The following TOM1L2 variants were observed in gnomAD, a reference collection of about 807,000 sequenced individuals.
TOM1L2 encodes the protein TOM1-like protein 2.
Under a neutral mutation model 67.9 loss-of-function variants are expected in TOM1L2, and 31 were observed. The ratio of observed to expected loss-of-function variants is 0.46; its 90% CI spans 0.34 to 0.62. The LOEUF is 0.62. TOM1L2 is among the 20% of genes least tolerant of loss of function. The pLI, the probability that TOM1L2 is intolerant of heterozygous loss-of-function variation, is 0.01. For missense variants in TOM1L2, 606 were observed against 663.5 expected, an observed-to-expected ratio of 0.91 and a Z score of 0.95; for synonymous variants, 256 against 254.0, an observed-to-expected ratio of 1.01 and a Z score of -0.07.
rs754896705 is a variant in TOM1L2, at chr17:17,963,541, T to C, written c.52+8721A>G. Among the ~76,000 whole-genome samples the C allele has an allele frequency of 5.9e-5, 9 of 152,144 alleles. No individual in the cohort carries two copies. The East Asian group carries it at 7.7e-4, about 13-fold the overall frequency. Reference sequence around the variant, plus strand: ...AGTCTCTATTTCTTCACCTGTAAGATGAAGATAACAGTGCTTCCAGAGAAA... The same window carrying C: ...AGTCTCTATTTCTTCACCTGTAAGACGAAGATAACAGTGCTTCCAGAGAAA... On this transcript the variant is annotated intron_variant, in intron 1 of 14. Transcript: ENST00000379504.
intron 1 of TOM1L2, among the ~76,000 whole-genome samples, chr17:17,961,936 T>A (rs2041696982): frequency 6.6e-6 from 1 of 151,214 alleles, no homozygotes; most frequent in African/African-American, 2.4e-5. Flanking sequence ...CATAGCAGCA[T>A]TATTTACAAT....
In TOM1L2 at chr17:17,926,394, G is replaced by C. The variant is rs1034453535; in HGVS notation, c.53-18863C>G. ...AGCTAGTTAAGGAGGACCAAACTGAGAGCCAGTCTGGACTGGCACAAGGGG... is the reference window on the plus strand; with the variant it reads ...AGCTAGTTAAGGAGGACCAAACTGACAGCCAGTCTGGACTGGCACAAGGGG... On this transcript the variant is annotated intron_variant, in intron 1 of 14. Coordinates refer to ENST00000379504, the MANE Select transcript of TOM1L2 (RefSeq NM_001082968.2). Among the ~76,000 whole-genome samples the C allele has an allele frequency of 8.5e-5, 13 of 152,130 alleles. No individual in the cohort carries two copies. The South Asian group carries it at 2.7e-3, about 32-fold the overall frequency.
At chr17:17,884,147 T>C (rs1168592948) in intron 5 of TOM1L2, among the ~76,000 whole-genome samples, 1 of 152,200 alleles carries the variant, frequency 6.6e-6, no homozygotes, top group East Asian at 1.9e-4. Flanking sequence ...GAATCAAGGA[T>C]TGAATCCAGA....
intron 1 of TOM1L2, among the ~76,000 whole-genome samples, chr17:17,956,703 A>G (rs199586093): frequency 0.025 from 3,734 of 152,118 alleles, 133 homozygotes; most frequent in African/African-American, 0.079. Context: ...CTGCTGGGGG[A>G]ATGGCACACC....
intron 1 of TOM1L2, among the ~76,000 whole-genome samples, chr17:17,928,298 C>A (rs915506078): frequency 6.6e-6 from 1 of 152,192 alleles, no homozygotes; most frequent in African/African-American, 2.4e-5. Flanking sequence ...CTGCTCCCAA[C>A]AAACGAGAAG....
chr17:17,940,174 C>T (rs1162675810), intron 1 of TOM1L2, among the ~76,000 whole-genome samples: 1 of 113,472 alleles, frequency 8.8e-6, no homozygotes, highest in Non-Finnish European at 1.6e-5. Context: ...GGCTGGGCGA[C>T]AGAGCAAGAC....
intron 6 of TOM1L2, among the ~76,000 whole-genome samples, chr17:17,882,170 C>T (rs928331355): frequency 2.0e-5 from 3 of 152,192 alleles, no homozygotes; most frequent in Non-Finnish European, 4.4e-5. Flanking sequence ...CTGATCAGGT[C>T]ACAGGCCTCT....
rs539285330 is a variant in TOM1L2 at position 17,932,461 on chromosome 17, C to T, written c.53-24930G>A. On this transcript the variant is annotated intron_variant, in intron 1 of 14. Coordinates refer to ENST00000379504, the MANE Select transcript of TOM1L2 (RefSeq NM_001082968.2). ...TTTAACAAACATGCCAGAAAACATA[C>T]GTCCCTTTGTTTCCTGGGGATAGAT... Among the ~76,000 whole-genome samples, 19 of 152,138 alleles carry T rather than the reference C, an allele frequency of 1.2e-4. No individual in the cohort carries two copies. In the East Asian group the frequency reaches 1.7e-3, roughly 14 times the overall value.
At chr17:17,912,225 G>T (rs1331981269) in intron 1 of TOM1L2, among the ~76,000 whole-genome samples, 1 of 149,174 alleles carries the variant, frequency 6.7e-6, no homozygotes, top group Admixed American at 6.7e-5. Flanking sequence ...TTCCCAGTAG[G>T]GGCGGCTGGG....
chr17:17,916,235 G>C (rs1300482914), intron 1 of TOM1L2, among the ~76,000 whole-genome samples: 4 of 151,994 alleles, frequency 2.6e-5, no homozygotes, highest in Non-Finnish European at 5.9e-5. Flanking sequence ...CACTATGCCA[G>C]GCTAATTTTT....
At position 17,894,770 on chromosome 17, in the gene TOM1L2, C is replaced by T. The variant is rs552280861; in HGVS notation, c.217-960G>A. Among the ~76,000 whole-genome samples, 15 of 152,264 alleles carry T rather than the reference C, an allele frequency of 9.9e-5. No homozygotes were observed. In the South Asian group the frequency reaches 2.7e-3, roughly 27 times the overall value. ...ACACGGCGAAGCCCTGCGTCTACTA[C>T]AAATACAAAAACTAGCCAGGCTTGG... On this transcript the variant is annotated intron_variant, in intron 3 of 14. Transcript: ENST00000379504.
chr17:17,910,158 G>A (rs550017751), intron 1 of TOM1L2, among the ~76,000 whole-genome samples: 8 of 152,330 alleles, frequency 5.3e-5, no homozygotes, highest in African/African-American at 1.9e-4. Flanking sequence ...GTAGCAGGGT[G>A]GGGATCAGAG....
chr17:17,967,458 C>T (rs1028036034), intron 1 of TOM1L2, among the ~76,000 whole-genome samples: 3 of 152,282 alleles, frequency 2.0e-5, no homozygotes, highest in African/African-American at 7.2e-5. Flanking sequence ...CCATGTATGT[C>T]ATCCAACTCC....
chr17:17,857,503 G>C (rs984968312), intron 12 of TOM1L2, among the ~76,000 whole-genome samples: 5 of 152,186 alleles, frequency 3.3e-5, no homozygotes, highest in South Asian at 4.1e-4. Context: ...TAAAAGGAAG[G>C]AAAGGACCCT....
intron 12 of TOM1L2, among the ~76,000 whole-genome samples, chr17:17,853,689 G>T (rs1568055373): frequency 6.6e-6 from 1 of 152,170 alleles, no homozygotes; most frequent in Non-Finnish European, 1.5e-5. Flanking sequence ...GCACTGGGTG[G>T]GGTCCATCTG....
chr17:17,866,559 C>G (rs1028489304), intron 9 of TOM1L2, 140 bp from the exon 10 acceptor site: 5 of 1,154,752 alleles, frequency 4.3e-6, no homozygotes, highest in Middle Eastern at 2.4e-4. Flanking sequence ...CCACTTCCCC[C>G]ACCTGCCTTC....
At chr17:17,905,830 G>T (rs1174594901) in intron 2 of TOM1L2, among the ~76,000 whole-genome samples, 1 of 152,070 alleles carries the variant, frequency 6.6e-6, no homozygotes, top group East Asian at 1.9e-4. Context: ...CTCCAAAAAG[G>T]TTGAAGCCAG....
chr17:17,944,085 T>C (rs2040844163), intron 1 of TOM1L2, among the ~76,000 whole-genome samples: 1 of 152,200 alleles, frequency 6.6e-6, no homozygotes, highest in African/African-American at 2.4e-5. Flanking sequence ...GAAGGTGGGC[T>C]CTAGGGCAGG....
intron 6 of TOM1L2, among the ~76,000 whole-genome samples, chr17:17,882,197 T>A (rs1327300772): frequency 1.3e-5 from 2 of 152,210 alleles, no homozygotes; most frequent in African/African-American, 4.8e-5. Flanking sequence ...TGACTTTTTT[T>A]ATGGGATAGA....
Sources: gnomAD v4.1 joint callset for allele counts (sites outside exome capture counted in the v4.1 genomes callset) on GRCh38, gnomAD v4.1.1 for gene constraint, MANE v1.5 for transcripts, NCBI Gene and HGNC (gene_info 2026-07-23, HGNC 2026-07-21) for gene names.